Variants in NRG4 observed in about 807,000 individuals in gnomAD.
The protein encoded by NRG4 is pro-neuregulin-4, membrane-bound isoform.
In NRG4, 10 loss-of-function variants were observed where a neutral mutation model predicts 15.0. The ratio of observed to expected loss-of-function variants is 0.67; its 90% CI spans 0.41 to 1.13. The LOEUF (loss-of-function observed/expected upper bound fraction) is 1.13. Ranked by LOEUF, NRG4 falls within the 50% of genes most tolerant of loss-of-function variation. The pLI is 0.00. For synonymous variants in NRG4, 41 were observed against 50.1 expected (o/e 0.82, Z 0.77); for missense variants, 139 against 140.2 (o/e 0.99, Z 0.04).
chr15:76,009,204 A>C lies in NRG4; in HGVS notation c.100T>G (p.Cys34Gly). ...CCCCTAGTCCATTTCACTCACCTAC[A>C]AAATGGGCTGGGAATAGTAGGTATC... ...YVIPTIPSPF[C>G]RCVENYTGAR... The change falls in exon 3 of 6, where the codon TGT becomes GGT. Residue 34 changes from cysteine to glycine, a missense_variant. Coordinates refer to ENST00000394907, the MANE Select transcript of NRG4 (RefSeq NM_138573.4). The C allele has an allele frequency of 6.5e-7, 1 of 1,530,370 alleles. No homozygotes were observed. Among genetic ancestry groups the C allele is most frequent in the Non-Finnish European group, 9.1e-7 (1 of 1,103,696 alleles). 94.8% of individuals were successfully genotyped at this position (1,530,370 alleles called of 1,614,324 possible). A position where few individuals can be genotyped will look rare whatever the true frequency, so the allele number is the denominator to read the frequency against.
At chr15:75,950,838 T>G (rs1408633755) in intron 5 of NRG4, 1 of 153,730 alleles carries the variant, frequency 6.5e-6, no homozygotes, top group East Asian at 1.9e-4. Flanking sequence ...TTATTATTGA[T>G]TTGAAAGAGT....
At chr15:75,946,525 T>A (rs778188012) in intron 5 of NRG4, among the ~76,000 whole-genome samples, 1 of 151,752 alleles carries the variant, frequency 6.6e-6, no homozygotes, top group Non-Finnish European at 1.5e-5. Flanking sequence ...GCCTGGCTAA[T>A]TTTTTTTGTA....
chr15:76,017,226 T>C (rs2035008160), upstream of NRG4, among the ~76,000 whole-genome samples: 1 of 141,604 alleles, frequency 7.1e-6, no homozygotes, highest in East Asian at 2.4e-4. Context: ...ATTTTGAGCG[T>C]GTGTTTCTTT....
chr15:76,025,307 C>T (rs983958441), intron 5 of NRG4, among the ~76,000 whole-genome samples: 2 of 151,994 alleles, frequency 1.3e-5, no homozygotes, highest in African/African-American at 4.8e-5. Context: ...GGCGTGGTGG[C>T]GGGCGCTTGT....
chr15:75,995,954 T>A (rs996928757), intron 3 of NRG4, among the ~76,000 whole-genome samples: 1 of 152,208 alleles, frequency 6.6e-6, no homozygotes, highest in Non-Finnish European at 1.5e-5. Flanking sequence ...AATAAATGCA[T>A]CAGACTAATT....
At chr15:76,010,215 A>G (rs2034759080) in intron 2 of NRG4, among the ~76,000 whole-genome samples, 1 of 152,162 alleles carries the variant, frequency 6.6e-6, no homozygotes. Context: ...AAAATTGGTG[A>G]ATATCTTATC....
intron 4 of NRG4, among the ~76,000 whole-genome samples, chr15:76,051,575 T>C: frequency 6.7e-6 from 1 of 148,534 alleles, no homozygotes; most frequent in Admixed American, 6.6e-5. Flanking sequence ...CTTTTTTTTT[T>C]TTTTTTGAGA....
chr15:76,059,390 A>C (rs940621814), intron 1 of NRG4, among the ~76,000 whole-genome samples: 1 of 152,154 alleles, frequency 6.6e-6, no homozygotes, highest in Non-Finnish European at 1.5e-5. Flanking sequence ...CCGCTCCCTC[A>C]CCGGGCGCCC....
chr15:75,989,978 T>C (rs576478626), intron 3 of NRG4, among the ~76,000 whole-genome samples: 4 of 152,290 alleles, frequency 2.6e-5, no homozygotes, highest in South Asian at 4.1e-4. Flanking sequence ...TGGAGTAGCA[T>C]TTAGGCCGAC....
At chr15:76,037,232 A>G (rs1321433067) in intron 4 of NRG4, among the ~76,000 whole-genome samples, 5 of 152,222 alleles carry the variant, frequency 3.3e-5, no homozygotes, top group African/African-American at 9.6e-5. Context: ...AAGCACCTTT[A>G]TAAGAACCAA....
At chr15:75,997,166 C>A (rs1016412194) in intron 3 of NRG4, among the ~76,000 whole-genome samples, 3 of 151,808 alleles carry the variant, frequency 2.0e-5, no homozygotes, top group Non-Finnish European at 4.4e-5. Context: ...CATTTCTGTA[C>A]AAAATTACAA....
chr15:75,960,009 A>G (rs1351696906), intron 4 of NRG4, among the ~76,000 whole-genome samples: 3 of 152,234 alleles, frequency 2.0e-5, no homozygotes, highest in Non-Finnish European at 4.4e-5. Flanking sequence ...GCCAATCCAT[A>G]CTAATTACCT....
chr15:76,056,692 T>A (rs1178149687), intron 2 of NRG4, among the ~76,000 whole-genome samples: 2 of 152,174 alleles, frequency 1.3e-5, no homozygotes, highest in African/African-American at 4.8e-5. Flanking sequence ...ACATTAACAA[T>A]TTAAGGACTT....
intron 3 of NRG4, among the ~76,000 whole-genome samples, chr15:75,995,119 C>CAG (rs1307555657): frequency 6.6e-6 from 1 of 151,624 alleles, no homozygotes; most frequent in African/African-American, 2.4e-5. Flanking sequence ...ACCAGGGAGG[C>CAG]AGAGGCTGCA....
intron 4 of NRG4, among the ~76,000 whole-genome samples, chr15:76,050,050 A>T (rs2035959825): frequency 1.3e-5 from 2 of 151,130 alleles, no homozygotes; most frequent in Non-Finnish European, 2.9e-5. Context: ...AATAACTATC[A>T]TTCTCCATAG....
rs2032705764 is a variant in NRG4 at position 75,964,728 on chromosome 15, C to A, written c.105-2754G>T. 2.0e-5 allele frequency among the ~76,000 whole-genome samples: 3 copies of A among 151,080 alleles called. No individual in the cohort carries two copies. The South Asian group carries it at 6.3e-4, about 32-fold the overall frequency. On this transcript the variant is annotated intron_variant, in intron 3 of 5. Coordinates refer to ENST00000394907, the MANE Select transcript of NRG4 (RefSeq NM_138573.4). ...ATGGCTTGAGCCCAGGAGTTTGAGA[C>A]CAGCCTGGGCAACATGGTAGAGACA...
chr15:76,029,669 C>T (rs1320347265), intron 5 of NRG4, among the ~76,000 whole-genome samples: 1 of 152,104 alleles, frequency 6.6e-6, no homozygotes, highest in Non-Finnish European at 1.5e-5. Flanking sequence ...AAGACAATTC[C>T]ATTTACAATA....
intron 2 of NRG4, chr15:76,053,183 T>C (rs2036066802): frequency 6.6e-6 from 1 of 151,018 alleles, no homozygotes; most frequent in African/African-American, 2.5e-5. Context: ...CCAGAATGTT[T>C]TTCCTACTAC....
rs148235009 is a variant in NRG4 at position 76,021,425 on chromosome 15, T to A, written c.-56-10139A>T. On this transcript the variant is annotated intron_variant, in intron 5 of 8. Coordinates refer to the NRG4 transcript ENST00000563910. ...GGCTATAGTATAAACATACCTTTTA[T>A]ATGCATTGGGAAACCAAAAAATTTG... Among the ~76,000 whole-genome samples, 302 of 152,354 alleles carry A rather than the reference T, an allele frequency of 2.0e-3. 2 individuals are homozygous for A. Among genetic ancestry groups the A allele is most frequent in the African/African-American group, 6.7e-3 (277 of 41,582 alleles).
Sources: gnomAD v4.1 joint callset for allele counts (sites outside exome capture counted in the v4.1 genomes callset) on GRCh38, gnomAD v4.1.1 for gene constraint, MANE v1.5 for transcripts, NCBI Gene and HGNC (gene_info 2026-07-23, HGNC 2026-07-21) for gene names.